Variants in CACNG6 observed in about 807,000 individuals in gnomAD.
CACNG6 encodes the protein voltage-dependent calcium channel gamma-6 subunit.
CACNG6 carries 21 observed loss-of-function variants against 23.9 expected under a neutral mutation model. The ratio of observed to expected loss-of-function variants is 0.88; its 90% CI spans 0.62 to 1.26. The LOEUF is 1.26. Ranked by LOEUF, CACNG6 falls within the 50% of genes most tolerant of loss-of-function variation. CACNG6 has a pLI of 0.00. For synonymous variants in CACNG6, 182 were observed against 168.9 expected, an observed-to-expected ratio of 1.08 and a Z score of -0.60; for missense variants, 340 against 352.9, an observed-to-expected ratio of 0.96 and a Z score of 0.29.
At chr19:54,007,853 T>A (rs1336961378) in intron 3 of CACNG6, among the ~76,000 whole-genome samples, 1 of 150,742 alleles carries the variant, frequency 6.6e-6, no homozygotes, top group Non-Finnish European at 1.5e-5. Flanking sequence ...TGAGCTATGA[T>A]CGCGCCACTG....
upstream of CACNG6, among the ~76,000 whole-genome samples, chr19:53,991,186 C>G (rs1040559177): frequency 5.3e-5 from 8 of 152,060 alleles, no homozygotes; most frequent in African/African-American, 1.7e-4. Context: ...CCTCTCAGAT[C>G]CAAGATTCTG....
At chr19:53,994,095 C>T (rs527612934) in intron 1 of CACNG6, among the ~76,000 whole-genome samples, 2 of 152,146 alleles carry the variant, frequency 1.3e-5, no homozygotes, top group Non-Finnish European at 2.9e-5. Flanking sequence ...CATGGAGAGA[C>T]AGCCTGGGTT....
chr19:53,991,594 G>A (rs1166786867), upstream of CACNG6, among the ~76,000 whole-genome samples: 5 of 148,798 alleles, frequency 3.4e-5, no homozygotes, highest in African/African-American at 1.2e-4. Context: ...GTGGAGGGTG[G>A]GGGGTGGGCG....
intron 1 of CACNG6, among the ~76,000 whole-genome samples, chr19:53,995,909 G>A (rs1253279367): frequency 5.3e-5 from 8 of 152,166 alleles, no homozygotes; most frequent in African/African-American, 1.7e-4. Context: ...TGATCTGCCC[G>A]CCTCGGCCTC....
At chr19:54,006,811 A>G (rs935928436) in intron 3 of CACNG6, among the ~76,000 whole-genome samples, 3 of 151,586 alleles carry the variant, frequency 2.0e-5, no homozygotes, top group African/African-American at 7.3e-5. Flanking sequence ...TTGGGACTAC[A>G]GCCGTGAGCC....
chr19:54,005,997 G>A (rs1219441720), intron 3 of CACNG6, among the ~76,000 whole-genome samples: 1 of 146,760 alleles, frequency 6.8e-6, no homozygotes. Context: ...GGCTGAGGTG[G>A]GAGGATCATT....
rs562022707 is a variant in CACNG6 at position 54,005,681 on chromosome 19, A to G, written c.544+5910A>G. 6.1e-4 allele frequency among the ~76,000 whole-genome samples: 92 copies of G among 152,014 alleles called. 1 individual carries two copies. The highest frequency in any genetic ancestry group is 1.5e-3 in the Admixed American group (23 of 15,216). On this transcript the variant is annotated intron_variant, in intron 3 of 3. Transcript: ENST00000252729. The stretch of plus-strand genomic sequence containing the variant: ...GGCAGGGGAATCACTTGAATTCAAG[A>G]GGTGGAGATTGCAGTGAGCCAAGAT...
At chr19:53,999,527 CT>C in intron 2 of CACNG6, 106 bp from the exon 3 acceptor site, 1 of 1,322,394 alleles carries the variant, frequency 7.6e-7, no homozygotes, top group Non-Finnish European at 1.0e-6. Flanking sequence ...GAAAATTCTT[CT>C]CTCGTCCCGA....
At position 53,993,046 on chromosome 19, in the gene CACNG6, G is replaced by A. The variant is rs2069480413; in HGVS notation, c.169G>A (p.Val57Met). ...AVGATLAVLSVGTEFWVELNT... is the reference protein window; with the variant it reads ...AVGATLAVLSMGTEFWVELNT... Reference sequence around the variant, plus strand: ...GGGCGCCACGCTGGCGGTGCTGTCCGTGGGCACCGAGTTCTGGGTGGAGCT... The same window carrying A: ...GGGCGCCACGCTGGCGGTGCTGTCCATGGGCACCGAGTTCTGGGTGGAGCT... Residue 57 changes from valine to methionine, a missense_variant, in exon 1 of 4, where the codon GTG (valine) becomes ATG (methionine). By Grantham distance (21) the Val-to-Met change is conservative (BLOSUM62 1). Coordinates refer to ENST00000252729, the MANE Select transcript of CACNG6 (RefSeq NM_145814.2). 3 of 1,504,416 alleles carry A rather than the reference G, an allele frequency of 2.0e-6. No individual in the cohort carries two copies. Among genetic ancestry groups the A allele is most frequent in the Non-Finnish European group, 1.8e-6 (2 of 1,127,128 alleles). 93.2% of individuals were successfully genotyped at this position (1,504,416 alleles called of 1,614,324 possible). A position where few individuals can be genotyped will look rare whatever the true frequency, so the allele number is the denominator to read the frequency against.
chr19:54,003,031 C>G (rs2069596515), intron 3 of CACNG6, among the ~76,000 whole-genome samples: 1 of 152,162 alleles, frequency 6.6e-6, no homozygotes, highest in South Asian at 2.1e-4. Flanking sequence ...ACATTCATAA[C>G]TACCAACTGT....
At chr19:54,004,793 C>G (rs943514406) in intron 3 of CACNG6, among the ~76,000 whole-genome samples, 2 of 152,130 alleles carry the variant, frequency 1.3e-5, no homozygotes, top group African/African-American at 4.8e-5. Context: ...TCACGTGTCT[C>G]GTTTCCTCGC....
chr19:54,008,125 G>A (rs1002346755), intron 3 of CACNG6, among the ~76,000 whole-genome samples: 1 of 152,054 alleles, frequency 6.6e-6, no homozygotes, highest in Non-Finnish European at 1.5e-5. Context: ...TTGGGAAGTG[G>A]ATAGATCACC....
At chr19:54,005,255 AT>A in intron 3 of CACNG6, among the ~76,000 whole-genome samples, 1 of 113,084 alleles carries the variant, frequency 8.8e-6, no homozygotes, top group African/African-American at 3.8e-5. Context: ...ATAAATAATA[AT>A]AAAAGAAAGA....
chr19:53,996,840 A>G (rs990826047), intron 1 of CACNG6, among the ~76,000 whole-genome samples: 3 of 141,240 alleles, frequency 2.1e-5, no homozygotes, highest in African/African-American at 7.9e-5. Context: ...AGATCATGCT[A>G]TTGATTTTGT....
chr19:54,007,518 G>A (rs1241128506), intron 3 of CACNG6, among the ~76,000 whole-genome samples: 6 of 152,188 alleles, frequency 3.9e-5, no homozygotes, highest in African/African-American at 1.4e-4. Flanking sequence ...GAAGGACAGG[G>A]ATTTAGTTGT....
At chr19:53,994,357 C>T (rs1003329983) in intron 1 of CACNG6, among the ~76,000 whole-genome samples, 12 of 152,178 alleles carry the variant, frequency 7.9e-5, no homozygotes, top group African/African-American at 2.4e-4. Context: ...TTCTCATTTT[C>T]TCCGAGAGAC....
At chr19:54,009,218 C>T (rs1035229782) in intron 3 of CACNG6, among the ~76,000 whole-genome samples, 3 of 152,016 alleles carry the variant, frequency 2.0e-5, no homozygotes, top group Non-Finnish European at 4.4e-5. Flanking sequence ...GTCAGAAGTT[C>T]GAGACCAGCC....
chr19:54,009,783 T>TAAAA (rs34786973), intron 3 of CACNG6, among the ~76,000 whole-genome samples: 3 of 147,424 alleles, frequency 2.0e-5, no homozygotes, highest in Non-Finnish European at 4.5e-5. Flanking sequence ...TTGCTTTTTT[T>TAAAA]AAAAAAAAAA....
At chr19:53,997,107 T>A in intron 1 of CACNG6, among the ~76,000 whole-genome samples, 1 of 152,054 alleles carries the variant, frequency 6.6e-6, no homozygotes, top group East Asian at 1.9e-4. Flanking sequence ...TGAGCTCAAG[T>A]GATTCTCCTG....
Sources: gnomAD v4.1 joint callset for allele counts (sites outside exome capture counted in the v4.1 genomes callset) on GRCh38, gnomAD v4.1.1 for gene constraint, MANE v1.5 for transcripts, NCBI Gene and HGNC (gene_info 2026-07-23, HGNC 2026-07-21) for gene names.